The following MYT1 variants were observed in gnomAD, a reference collection of about 807,000 sequenced individuals.
MYT1 encodes myelin transcription factor I.
MYT1 carries 23 observed loss-of-function variants against 123.0 expected under a neutral mutation model. The observed-to-expected ratio is 0.19, with a 90% CI of 0.13 to 0.26. MYT1 has a LOEUF of 0.26. Ranked by LOEUF, MYT1 falls within the 10% of genes least tolerant of loss-of-function variation. The probability of loss-of-function intolerance (pLI) is 1.00; values close to 1 mark genes in which losing one functional copy is unlikely to be tolerated. For synonymous variants in MYT1, 518 were observed against 575.3 expected (o/e 0.90, Z 1.43); for missense variants, 1,125 against 1,472.5 (o/e 0.76, Z 3.86).
At chr20:64,235,527 A>C in intron 19 of MYT1, among the ~76,000 whole-genome samples, 2 of 93,722 alleles carry the variant, frequency 2.1e-5, no homozygotes, top group South Asian at 8.0e-4. Flanking sequence ...TGGCCATGGT[A>C]TGTGACCCGG....
In MYT1 at chr20:64,241,802, T is replaced by C. The variant is rs967503612; in HGVS notation, c.*1354T>C. The C allele has an allele frequency of 1.3e-5, 2 of 152,644 alleles. No homozygotes were observed. The highest frequency in any genetic ancestry group is 4.8e-5 in the African/African-American group (2 of 41,466). 9.5% of individuals were successfully genotyped at this position (152,644 alleles called of 1,614,324 possible). On this transcript the variant is annotated 3_prime_UTR_variant, in exon 23 of 23. Coordinates refer to ENST00000328439, the MANE Select transcript of MYT1 (RefSeq NM_004535.3). The surrounding 1 kb of genome is among the most constrained non-coding windows in gnomAD (Gnocchi z 4.2). ...ACCAAGTTATTTTTTATATATTTTG[T>C]TATTTATTCTTTTAATAATGGAATT...
chr20:64,239,961 G>A, intron 22 of MYT1, 58 bp downstream of exon 22: 2 of 1,588,528 alleles, frequency 1.3e-6, no homozygotes, highest in South Asian at 2.2e-5. Flanking sequence ...TCTTCGGAAA[G>A]CAGGAGGGCA....
chr20:64,171,171 C>T (rs533465989), intron 1 of MYT1, among the ~76,000 whole-genome samples: 34 of 151,846 alleles, frequency 2.2e-4, no homozygotes, highest in South Asian at 1.3e-3. Flanking sequence ...TGCCTGCCTC[C>T]GCCTCCCAAA....
chr20:64,236,241 T>TGTGGTGGGTGACCCTGGGATGGCC (rs1984535920), intron 19 of MYT1, among the ~76,000 whole-genome samples: 3 of 53,156 alleles, frequency 5.6e-5, no homozygotes, highest in Admixed American at 2.0e-4. Flanking sequence ...CTGGGATGGC[T>TGTGGTGGGTGACCCTGGGATGGCC]GTGGTGGGTG....
chr20:64,223,123 T>C lies in MYT1; in HGVS notation c.2409T>C (p.Pro803=). The part of the protein sequence containing the change: ...IKKELLTCPT[P]GCDGSGHITG... ...TTCCTTTGTCCAGCTGTCCCACCCC[T>C]GGCTGTGACGGCAGCGGCCACATCA... Residue 803 remains proline (P), a synonymous_variant, in exon 15 of 23, where the codon CCT becomes CCC. Coordinates refer to ENST00000328439, the MANE Select transcript of MYT1 (RefSeq NM_004535.3). 1 of 1,614,176 alleles carries C rather than the reference T, an allele frequency of 6.2e-7. No homozygotes were observed. Among genetic ancestry groups the C allele is most frequent in the Admixed American group, 1.7e-5 (1 of 60,030 alleles).
Position 64,196,781 on chromosome 20 carries a change from C to G in MYT1, c.1-2081C>G, listed in dbSNP as rs539813246. 6.6e-6 allele frequency among the ~76,000 whole-genome samples: 1 copy of G among 152,358 alleles called. No individual in the cohort carries two copies. Among genetic ancestry groups the G allele is most frequent in the African/African-American group, 2.4e-5 (1 of 41,582 alleles). On this transcript the variant is annotated intron_variant, in intron 2 of 22. Coordinates refer to ENST00000328439, the MANE Select transcript of MYT1 (RefSeq NM_004535.3). This position sits in a 1 kb window ranked among gnomAD's most constrained non-coding sequence, Gnocchi z 4.3. Reference sequence around the variant, plus strand: ...GCCCATTACACATCCCTGCAACCCTCTCTATTCTCTGCTCTTTGAATAATT... The same window carrying G: ...GCCCATTACACATCCCTGCAACCCTGTCTATTCTCTGCTCTTTGAATAATT...
intron 7 of MYT1, 150 bp from the exon 8 acceptor site, chr20:64,211,056 T>G (rs1199506650): frequency 1.2e-6 from 1 of 823,710 alleles, no homozygotes; most frequent in Admixed American, 3.2e-5. Context: ...GTCTCCTGAC[T>G]GTCCAGCCCC....
In MYT1 at chr20:64,168,076, G is replaced by A. The variant is rs908315843; in HGVS notation, c.-99+3337G>A. On this transcript the variant is annotated intron_variant, in intron 1 of 22. Coordinates refer to ENST00000328439, the MANE Select transcript of MYT1 (RefSeq NM_004535.3). The surrounding 1 kb of genome is among the most constrained non-coding windows in gnomAD (Gnocchi z 6.1). ...GCTGGAGGCCTGGGGGGTGGAATGT[G>A]CTTTCACGGCCTCTTGAGGTTCCCG... Among the ~76,000 whole-genome samples the A allele has an allele frequency of 6.6e-6, 1 of 152,226 alleles. No individual in the cohort carries two copies.
In MYT1 at chr20:64,168,360, T is replaced by C. The variant is rs370610257; in HGVS notation, c.-99+3621T>C. Among the ~76,000 whole-genome samples, 8 of 152,252 alleles carry C rather than the reference T, an allele frequency of 5.3e-5. No individual in the cohort carries two copies. The highest frequency in any genetic ancestry group is 1.9e-4 in the African/African-American group (8 of 41,462). ...CTTTTCTCCCCAGGGTTAATGCCAT[T>C]AGGAGCGTTCCTTGTGGGAAGATTG... is the stretch of plus-strand genomic sequence containing the variant. On this transcript the variant is annotated intron_variant, in intron 1 of 22. Transcript: ENST00000328439. This position sits in a 1 kb window ranked among gnomAD's most constrained non-coding sequence, Gnocchi z 6.1.
rs577029053 is a variant in MYT1 at position 64,207,499 on chromosome 20, G to C, written c.398-95G>C. The C allele has an allele frequency of 2.3e-5, 35 of 1,531,162 alleles. No individual in the cohort carries two copies. The African/African-American group carries it at 4.4e-4, about 19-fold the overall frequency. 94.8% of individuals were successfully genotyped at this position (1,531,162 alleles called of 1,614,324 possible). ...GCTCCCGTATAAAGAGTGAGTGGTAGGTCAGGTGGAGGGGTGGTGGGTGTG... is the reference window on the plus strand; with the variant it reads ...GCTCCCGTATAAAGAGTGAGTGGTACGTCAGGTGGAGGGGTGGTGGGTGTG... On this transcript the variant is annotated intron_variant, in intron 6 of 22. Coordinates refer to ENST00000328439, the MANE Select transcript of MYT1 (RefSeq NM_004535.3).
rs376053198 is a variant in MYT1 at position 64,205,632 on chromosome 20, C to T, written c.229C>T (p.His77Tyr). 228 of 1,614,210 alleles carry T rather than the reference C, an allele frequency of 1.4e-4. 1 individual carries two copies. Among genetic ancestry groups the T allele is most frequent in the Middle Eastern group, 4.9e-4 (3 of 6,062 alleles). The change falls in exon 6 of 23, where the codon CAC becomes TAC. Residue 77 changes from histidine (H) to tyrosine (Y), a missense_variant. By Grantham distance (83) the His-to-Tyr change is moderately conservative. This residue lies in a region of MYT1 where 406 missense variants were observed against 432.2 expected (regional missense o/e 0.94). Coordinates refer to ENST00000328439, the MANE Select transcript of MYT1 (RefSeq NM_004535.3). ...AEHLVSKRKSHPLKLALDEGY... is the reference protein window; with the variant it reads ...AEHLVSKRKSYPLKLALDEGY... ...GCACCTGGTGTCCAAGAGGAAGTCA[C>T]ACCCCCTGAAGCTGGCTCTGGACGA...
intron 17 of MYT1, 75 bp downstream of exon 17, chr20:64,227,552 G>A (rs1601722451): frequency 1.5e-6 from 2 of 1,344,072 alleles, no homozygotes; most frequent in South Asian, 2.5e-5. Flanking sequence ...AAGATTAGAA[G>A]ACACTAATGT....
At chr20:64,179,174 C>T (rs888081706) in intron 1 of MYT1, among the ~76,000 whole-genome samples, 5 of 149,294 alleles carry the variant, frequency 3.3e-5, no homozygotes, top group Non-Finnish European at 5.9e-5. Context: ...AGCACTGAGC[C>T]GTTATTCGGT....
intron 12 of MYT1, 71 bp from the exon 13 acceptor site, chr20:64,219,642 A>C: frequency 7.3e-7 from 1 of 1,366,324 alleles, no homozygotes; most frequent in Non-Finnish European, 1.0e-6. Flanking sequence ...TGTACGTTTG[A>C]TTCAAATGGA....
Position 64,219,865 on chromosome 20 carries a change from C to T in MYT1, c.2124C>T (p.Ser708=), listed in dbSNP as rs1451973525. The change falls in exon 13 of 23, where the codon AGC becomes AGT. Residue 708 remains serine, a synonymous_variant. Transcript: ENST00000328439. ...CCTCCCAGCGCCACAGCAGCACCAGCGCCCCCAGCAGCTCCATGACCTCTC... is the reference window on the plus strand; with the variant it reads ...CCTCCCAGCGCCACAGCAGCACCAGTGCCCCCAGCAGCTCCATGACCTCTC... ...PDASQRHSST[S]APSSSMTSPQ... The T allele has an allele frequency of 9.4e-6, 15 of 1,599,280 alleles. No individual in the cohort carries two copies. The highest frequency in any genetic ancestry group is 4.0e-5 in the African/African-American group (3 of 74,698).
intron 16 of MYT1, among the ~76,000 whole-genome samples, chr20:64,225,986 C>T (rs879729991): frequency 2.6e-5 from 4 of 152,220 alleles, no homozygotes; most frequent in Non-Finnish European, 5.9e-5. Flanking sequence ...TGCTTATCCC[C>T]GTTGAGGCCT....
chr20:64,198,352 C>T (rs928533251), intron 2 of MYT1, among the ~76,000 whole-genome samples: 3 of 146,962 alleles, frequency 2.0e-5, no homozygotes, highest in African/African-American at 7.6e-5. Flanking sequence ...CCATGGGAAG[C>T]TGTGCTCTGG....
At chr20:64,182,461 G>T (rs1472727706) in intron 1 of MYT1, among the ~76,000 whole-genome samples, 1 of 152,268 alleles carries the variant, frequency 6.6e-6, no homozygotes, top group Non-Finnish European at 1.5e-5. Context: ...ACTGGCCGAG[G>T]TGGGAGGTGA....
intron 14 of MYT1, among the ~76,000 whole-genome samples, chr20:64,222,672 T>A (rs1448042520): frequency 6.6e-6 from 1 of 152,248 alleles, no homozygotes; most frequent in African/African-American, 2.4e-5. Flanking sequence ...AGCTCTCACA[T>A]GTGCTCAGAG....
Sources: allele counts gnomAD v4.1 joint callset (sites outside exome capture counted in the v4.1 genomes callset), GRCh38; gene constraint gnomAD v4.1.1; regional missense constraint gnomAD v4.1.1; non-coding constraint Gnocchi (gnomAD v3.1); transcripts MANE v1.5; gene names NCBI Gene and HGNC (gene_info 2026-07-23, HGNC 2026-07-21).